GALNTL6: variants seen among roughly 807,000 people sequenced by gnomAD.
GALNTL6 encodes the protein polypeptide N-acetylgalactosaminyltransferase like 6.
GALNTL6 carries 46 observed loss-of-function variants against 73.7 expected under a neutral mutation model. That is an observed-to-expected ratio of 0.62 (90% CI 0.49 to 0.80). The LOEUF is 0.80. GALNTL6 is among the 30% of genes least tolerant of loss of function. GALNTL6 has a pLI of 0.00. For synonymous variants in GALNTL6, 259 were observed against 263.7 expected, an observed-to-expected ratio of 0.98 and a Z score of 0.17; for missense variants, 604 against 755.0, an observed-to-expected ratio of 0.80 and a Z score of 2.34.
rs559885783 is a variant in GALNTL6, at chr4:171,950,490, T to G, written c.138+135772T>G. On this transcript the variant is annotated intron_variant, in intron 2 of 12. Transcript: ENST00000506823. ...GTAAAATCTTTTCTTTTCTTTTTTT[T>G]TTTTTTTTGAGATGAAGTCTTGCTC... Among the ~76,000 whole-genome samples the G allele has an allele frequency of 8.6e-5, 13 of 150,872 alleles. No homozygotes were observed. In the South Asian group the frequency reaches 1.7e-3, roughly 19 times the overall value.
rs763731173 is a variant in GALNTL6 at position 172,882,835 on chromosome 4, G to A, written c.969G>A (p.Trp323Ter). 2 of 1,613,256 alleles carry A rather than the reference G, an allele frequency of 1.2e-6. No individual in the cohort carries two copies. Among genetic ancestry groups the A allele is most frequent in the Non-Finnish European group, 1.7e-6 (2 of 1,179,276 alleles). Residue 323 changes from tryptophan to a stop codon, truncating the protein, a stop_gained, in exon 8 of 13, where the codon TGG becomes TGA. Transcript: ENST00000506823. LOFTEE classifies it high-confidence loss of function. ...GTCTCTTTGCTGTGGATCGGAAATG[G>A]TTTTGGGAATTGGGTGGCTATGATC... ...AGGLFAVDRK[W>*]FWELGGYDPG...
At chr4:172,089,469 A>T (rs1164905572) in intron 2 of GALNTL6, among the ~76,000 whole-genome samples, 3 of 152,134 alleles carry the variant, frequency 2.0e-5, no homozygotes, top group African/African-American at 7.2e-5. Context: ...GCAGGGCTTT[A>T]GGAAAAAGGC....
chr4:172,198,671 C>G (rs1735856564), intron 2 of GALNTL6, among the ~76,000 whole-genome samples: 2 of 152,168 alleles, frequency 1.3e-5, no homozygotes, highest in Admixed American at 1.3e-4. Context: ...AAGTAATTAT[C>G]TGGGGACAAG....
intron 5 of GALNTL6, among the ~76,000 whole-genome samples, chr4:172,642,733 A>G (rs1236937121): frequency 1.3e-5 from 2 of 151,928 alleles, no homozygotes; most frequent in African/African-American, 4.8e-5. Context: ...CAAAAAAATG[A>G]CCTATATGTG....
chr4:172,734,498 A>C (rs567252607), intron 5 of GALNTL6, among the ~76,000 whole-genome samples: 1 of 152,274 alleles, frequency 6.6e-6, no homozygotes, highest in Admixed American at 6.5e-5. Context: ...TACAAATCTG[A>C]AATCCAATAG....
chr4:172,501,083 T>C lies in GALNTL6; in HGVS notation c.553+152394T>C, dbSNP rs556385414. The stretch of plus-strand genomic sequence containing the variant: ...TAAAATTGGTAGAACTAAATATACA[T>C]GCACACACTTCCACAAATGAGTACA... On this transcript the variant is annotated intron_variant, in intron 5 of 12. Coordinates refer to ENST00000506823, the MANE Select transcript of GALNTL6 (RefSeq NM_001034845.3). Among the ~76,000 whole-genome samples, 7 of 152,336 alleles carry C rather than the reference T, an allele frequency of 4.6e-5. No individual in the cohort carries two copies. The South Asian group carries it at 1.2e-3, about 27-fold the overall frequency.
At chr4:172,113,652 T>C (rs1732914589) in intron 2 of GALNTL6, among the ~76,000 whole-genome samples, 1 of 152,094 alleles carries the variant, frequency 6.6e-6, no homozygotes, top group Non-Finnish European at 1.5e-5. Context: ...TGCAACAGTT[T>C]GCCTTATAAA....
chr4:172,777,701 C>T (rs980237808), intron 5 of GALNTL6, among the ~76,000 whole-genome samples: 8 of 152,076 alleles, frequency 5.3e-5, no homozygotes, highest in African/African-American at 1.9e-4. Flanking sequence ...AACCTAGACA[C>T]TATGTAAAAA....
At chr4:172,372,099 G>T (rs945149631) in intron 5 of GALNTL6, among the ~76,000 whole-genome samples, 6 of 152,172 alleles carry the variant, frequency 3.9e-5, no homozygotes, top group African/African-American at 1.4e-4. Flanking sequence ...TTTCAAGTAT[G>T]GTTACATCAC....
rs145688467 is a variant in GALNTL6, at chr4:172,249,787, G to A, written c.247+20023G>A. Among the ~76,000 whole-genome samples, 281 of 152,300 alleles carry A rather than the reference G, an allele frequency of 1.8e-3. 1 individual carries two copies. Among genetic ancestry groups the A allele is most frequent in the African/African-American group, 6.2e-3 (256 of 41,570 alleles). On this transcript the variant is annotated intron_variant, in intron 3 of 12. Transcript: ENST00000506823. ...TGGATTCTCAGAAGACAAGAATTGAGGTTTGGAAACCTTCACCTAGATTTC... is the reference window on the plus strand; with the variant it reads ...TGGATTCTCAGAAGACAAGAATTGAAGTTTGGAAACCTTCACCTAGATTTC...
chr4:172,850,610 A>C (rs1436613157), intron 7 of GALNTL6, among the ~76,000 whole-genome samples: 2 of 152,114 alleles, frequency 1.3e-5, no homozygotes, highest in Admixed American at 6.6e-5. Context: ...TTCTGACACT[A>C]TCTACCTGGA....
chr4:172,248,193 T>A (rs186688921), intron 3 of GALNTL6, among the ~76,000 whole-genome samples: 43 of 152,328 alleles, frequency 2.8e-4, no homozygotes, highest in African/African-American at 1.0e-3. Flanking sequence ...AGTTAGCTAA[T>A]GAAAATTTAT....
intron 5 of GALNTL6, among the ~76,000 whole-genome samples, chr4:172,392,007 G>C (rs768615981): frequency 1.3e-5 from 2 of 150,628 alleles, no homozygotes; most frequent in Non-Finnish European, 3.0e-5. Context: ...TTTTTTCTTT[G>C]AGATGGAGTC....
intron 5 of GALNTL6, among the ~76,000 whole-genome samples, chr4:172,415,528 C>T (rs1205235180): frequency 1.3e-5 from 2 of 152,130 alleles, no homozygotes; most frequent in African/African-American, 4.8e-5. Flanking sequence ...CTAACTAAAA[C>T]GTACCCTGTC....
chr4:172,551,603 G>T (rs1735956402), intron 5 of GALNTL6, among the ~76,000 whole-genome samples: 1 of 152,156 alleles, frequency 6.6e-6, no homozygotes, highest in African/African-American at 2.4e-5. Flanking sequence ...TGATCAGTAT[G>T]TTAGTTTCCA....
chr4:172,574,363 G>A (rs1736882851), intron 5 of GALNTL6, among the ~76,000 whole-genome samples: 1 of 151,786 alleles, frequency 6.6e-6, no homozygotes, highest in Admixed American at 6.6e-5. Flanking sequence ...TTTTGCAGTA[G>A]TATGATTATT....
chr4:172,229,786 A>G (rs760145694), intron 3 of GALNTL6, 22 bp downstream of exon 3: 8 of 1,434,638 alleles, frequency 5.6e-6, no homozygotes, highest in Admixed American at 1.7e-5. Context: ...AGTGTACGCC[A>G]AAGTGCTATT....
chr4:172,876,401 T>G (rs1745196347), intron 7 of GALNTL6, among the ~76,000 whole-genome samples: 1 of 152,246 alleles, frequency 6.6e-6, no homozygotes, highest in Non-Finnish European at 1.5e-5. Flanking sequence ...TACTAACTCT[T>G]TTCTAAACAT....
At chr4:172,000,056 G>A (rs546143347) in intron 2 of GALNTL6, among the ~76,000 whole-genome samples, 27 of 152,182 alleles carry the variant, frequency 1.8e-4, no homozygotes, top group African/African-American at 5.5e-4. Flanking sequence ...CAGCATATAC[G>A]GAGTATGAGT....
Sources: gnomAD v4.1 joint callset for allele counts (sites outside exome capture counted in the v4.1 genomes callset) on GRCh38, gnomAD v4.1.1 for gene constraint, MANE v1.5 for transcripts, NCBI Gene and HGNC (gene_info 2026-07-23, HGNC 2026-07-21) for gene names.